MND1: variants seen among roughly 807,000 people sequenced by gnomAD.
The protein encoded by MND1 is meiotic nuclear divisions 1, also known as meiotic nuclear division protein 1 homolog.
A neutral mutation model predicts 35.1 loss-of-function variants in MND1; 28 were observed. The observed-to-expected ratio is 0.80, with a 90% CI of 0.59 to 1.09. The LOEUF (loss-of-function observed/expected upper bound fraction) is 1.09, where lower values mean the gene tolerates loss of function less well. Ranked by LOEUF, MND1 falls within the 50% of genes least tolerant of loss-of-function variation. The pLI, the probability that MND1 is intolerant of heterozygous loss-of-function variation, is 0.00. For missense variants in MND1, 213 were observed against 239.6 expected, an observed-to-expected ratio of 0.89 and a Z score of 0.73; for synonymous variants, 69 against 70.5, an observed-to-expected ratio of 0.98 and a Z score of 0.11.
At chr4:153,397,417 C>T (rs1729228519) in intron 6 of MND1, 84 bp downstream of exon 6, 1 of 900,920 alleles carries the variant, frequency 1.1e-6, no homozygotes, top group Non-Finnish European at 1.7e-6. Context: ...AACTATTCTC[C>T]ATGTATATGA....
At chr4:153,356,103 G>A (rs1773332182) in intron 3 of MND1, among the ~76,000 whole-genome samples, 1 of 152,098 alleles carries the variant, frequency 6.6e-6, no homozygotes, top group Non-Finnish European at 1.5e-5. Context: ...GCCCAGCTAG[G>A]CAACATAGCA....
rs527262467 is a variant in MND1, at chr4:153,350,117, A to G, written c.57A>G (p.Ile19Met). Residue 19 changes from isoleucine (I) to methionine (M), a missense_variant, in exon 2 of 8, where the codon ATA (isoleucine) becomes ATG (methionine). Physicochemically the swap from Ile to Met is conservative, Grantham distance 10. Transcript: ENST00000240488. ...AAAAGAGAACTCGCATGATGGAAAT[A>G]TTTTCTGAAACAGTAAGTCATTTTC... is the stretch of plus-strand genomic sequence containing the variant. ...AEEKRTRMME[I>M]FSETKDVFQL... 1.9e-6 allele frequency: 3 copies of G among 1,604,818 alleles called. No individual in the cohort carries two copies. The highest frequency in any genetic ancestry group is 2.2e-5 in the South Asian group (2 of 88,966).
At chr4:153,366,590 T>TG (rs2149638097) in intron 4 of MND1, among the ~76,000 whole-genome samples, 1 of 152,340 alleles carries the variant, frequency 6.6e-6, no homozygotes, top group South Asian at 2.1e-4. Flanking sequence ...TCACTGCAGA[T>TG]GGGGGAGTCC....
intron 6 of MND1, among the ~76,000 whole-genome samples, chr4:153,405,665 T>G (rs1188171704): frequency 6.6e-6 from 1 of 152,158 alleles, no homozygotes; most frequent in Non-Finnish European, 1.5e-5. Context: ...TGTTTTTAGC[T>G]CATGGTATTG....
chr4:153,344,669 G>C (rs1773023403), upstream of MND1: 2 of 1,402,080 alleles, frequency 1.4e-6, no homozygotes, highest in South Asian at 2.7e-5. Context: ...AAAATCAAAC[G>C]CGTCCTGGCC....
chr4:153,362,897 C>T (rs995852152), intron 4 of MND1: 3 of 566,262 alleles, frequency 5.3e-6, no homozygotes, highest in South Asian at 7.7e-5. Flanking sequence ...ACAGTTCCAC[C>T]GCCTCATGTT....
chr4:153,358,750 A>G (rs1043691405), intron 4 of MND1, 128 bp downstream of exon 4: 1 of 829,142 alleles, frequency 1.2e-6, no homozygotes, highest in Non-Finnish European at 1.8e-6. Flanking sequence ...GTCTAAAGAT[A>G]ATTAACATCT....
chr4:153,395,079 T>A (rs1729161585), intron 5 of MND1, among the ~76,000 whole-genome samples: 1 of 152,194 alleles, frequency 6.6e-6, no homozygotes, highest in Non-Finnish European at 1.5e-5. Flanking sequence ...TAGCAAAGCT[T>A]TACAGTGGCT....
chr4:153,380,319 T>G (rs1405876362), intron 4 of MND1, among the ~76,000 whole-genome samples: 2 of 152,194 alleles, frequency 1.3e-5, no homozygotes, highest in Non-Finnish European at 2.9e-5. Flanking sequence ...TTTGGCATTT[T>G]TTGGATTTTC....
At chr4:153,411,673 G>T (rs959473561) in intron 7 of MND1, among the ~76,000 whole-genome samples, 2 of 151,914 alleles carry the variant, frequency 1.3e-5, no homozygotes, top group African/African-American at 4.8e-5. Flanking sequence ...TCTTACCCTG[G>T]TGCCTCATTC....
chr4:153,391,469 T>C (rs1000193485), intron 4 of MND1, among the ~76,000 whole-genome samples: 5 of 152,122 alleles, frequency 3.3e-5, no homozygotes, highest in Non-Finnish European at 7.4e-5. Flanking sequence ...CTTACGCCTG[T>C]GATCCCAGCA....
intron 6 of MND1, among the ~76,000 whole-genome samples, chr4:153,399,149 T>A (rs981126302): frequency 3.9e-5 from 6 of 152,198 alleles, no homozygotes; most frequent in Non-Finnish European, 5.9e-5. Context: ...TTTTCCTGAT[T>A]TCAGTTTTGT....
intron 4 of MND1, among the ~76,000 whole-genome samples, chr4:153,365,339 CAT>C (rs896513634): frequency 3.0e-4 from 45 of 152,152 alleles, no homozygotes; most frequent in African/African-American, 1.0e-3. Flanking sequence ...ATAGATAACT[CAT>C]AAAATAAGAG....
chr4:153,363,664 T>C (rs1410484287), intron 4 of MND1, among the ~76,000 whole-genome samples: 2 of 152,124 alleles, frequency 1.3e-5, no homozygotes, highest in African/African-American at 4.8e-5. Flanking sequence ...TAGAGAAGGA[T>C]TGGTGAAGAG....
intron 6 of MND1, among the ~76,000 whole-genome samples, chr4:153,402,679 G>T (rs969260222): frequency 1.3e-5 from 2 of 152,120 alleles, no homozygotes; most frequent in Non-Finnish European, 2.9e-5. Flanking sequence ...CATGTTTGGT[G>T]GTTCCCTGGA....
intron 2 of MND1, among the ~76,000 whole-genome samples, chr4:153,355,086 C>G (rs1773307173): frequency 6.6e-6 from 1 of 152,034 alleles, no homozygotes; most frequent in Non-Finnish European, 1.5e-5. Flanking sequence ...ATTGTTTGAG[C>G]CCTGGAGGTC....
At chr4:153,387,393 G>T (rs958021057) in intron 4 of MND1, among the ~76,000 whole-genome samples, 12 of 151,964 alleles carry the variant, frequency 7.9e-5, no homozygotes, top group Non-Finnish European at 1.5e-4. Flanking sequence ...TATCTTTACA[G>T]TGTTTATTGT....
intron 2 of MND1, among the ~76,000 whole-genome samples, chr4:153,350,951 T>TAAAAAAAAAAAAAAAAAAAAAAA (rs567868452): frequency 8.1e-6 from 1 of 123,544 alleles, no homozygotes; most frequent in African/African-American, 2.8e-5. Context: ...AGATTCTTAG[T>TAAAAAAAAAAAAAAAAAAAAAAA]AAAAAAAAAA....
intron 4 of MND1, among the ~76,000 whole-genome samples, chr4:153,373,472 G>C (rs1453867289): frequency 6.6e-6 from 1 of 152,180 alleles, no homozygotes; most frequent in Non-Finnish European, 1.5e-5. Flanking sequence ...CTTAGAAAGT[G>C]GGGAAGCTTG....
Sources: gnomAD v4.1 joint callset for allele counts (sites outside exome capture counted in the v4.1 genomes callset) on GRCh38, gnomAD v4.1.1 for gene constraint, MANE v1.5 for transcripts, NCBI Gene and HGNC (gene_info 2026-07-23, HGNC 2026-07-21) for gene names.